Variants in NF2 observed in about 807,000 individuals in gnomAD.
NF2 encodes the protein NF2, moesin-ezrin-radixin like (MERLIN) tumor suppressor, also known as merlin.
NF2 carries 8 observed loss-of-function variants against 83.7 expected under a neutral mutation model. The observed-to-expected ratio is 0.10, with a 90% CI of 0.06 to 0.17. The LOEUF (loss-of-function observed/expected upper bound fraction) is 0.17. Ranked by LOEUF, NF2 falls within the 10% of genes least tolerant of loss-of-function variation. NF2 has a pLI of 1.00. For synonymous variants in NF2, 266 were observed against 269.6 expected, an observed-to-expected ratio of 0.99 and a Z score of 0.13; for missense variants, 533 against 744.4, an observed-to-expected ratio of 0.72 and a Z score of 3.31.
chr22:29,645,022 ATTAAAGG>A (rs2146919036), intron 4 of NF2, among the ~76,000 whole-genome samples: 1 of 152,320 alleles, frequency 6.6e-6, no homozygotes, highest in East Asian at 1.9e-4. Context: ...TTTCTTTTTA[ATTAAAGG>A]TGTTCATGAA....
chr22:29,681,333 C>A, intron 14 of NF2, 106 bp from the exon 15 acceptor site: 2 of 1,392,078 alleles, frequency 1.4e-6, no homozygotes, highest in South Asian at 1.2e-5. Flanking sequence ...GAACCCCAGG[C>A]CTCAAACCCT....
intron 13 of NF2, among the ~76,000 whole-genome samples, chr22:29,676,259 A>C (rs1449895163): frequency 6.6e-6 from 1 of 151,840 alleles, no homozygotes; most frequent in African/African-American, 2.4e-5. Context: ...CTGCAACCTT[A>C]GCCTCATAGG....
In NF2 at chr22:29,681,365, G is replaced by C. The variant is rs2067128711; in HGVS notation, c.1575-74G>C. ...CCCTAGATCGCACACCAAGCAGCTTGTGGGCCGCAGAGCACCTGAGCCGTG... is the reference window on the plus strand; with the variant it reads ...CCCTAGATCGCACACCAAGCAGCTTCTGGGCCGCAGAGCACCTGAGCCGTG... On this transcript the variant is annotated intron_variant, in intron 14 of 15. Coordinates refer to ENST00000338641, the MANE Select transcript of NF2 (RefSeq NM_000268.4). 17 of 1,587,488 alleles carry C rather than the reference G, an allele frequency of 1.1e-5. No homozygotes were observed. The Admixed American group carries it at 2.0e-4, about 19-fold the overall frequency.
intron 15 of NF2, chr22:29,683,559 G>A (rs1016187271): frequency 2.7e-6 from 3 of 1,108,450 alleles, no homozygotes; most frequent in Non-Finnish European, 3.3e-6. Context: ...GCTTGTGCTG[G>A]CTCATTTTCC....
intron 1 of NF2, among the ~76,000 whole-genome samples, chr22:29,622,406 T>C (rs2146768709): frequency 6.6e-6 from 1 of 152,328 alleles, no homozygotes; most frequent in South Asian, 2.1e-4. Context: ...GCTTATGTTA[T>C]AACAGTTAAG....
At chr22:29,653,319 C>G (rs897546366) in intron 4 of NF2, among the ~76,000 whole-genome samples, 1 of 151,798 alleles carries the variant, frequency 6.6e-6, no homozygotes, top group Admixed American at 6.6e-5. Flanking sequence ...TGGCGTGCAC[C>G]TGTAATCCCA....
chr22:29,643,679 C>T (rs1217498109), intron 4 of NF2, among the ~76,000 whole-genome samples: 8 of 152,306 alleles, frequency 5.3e-5, no homozygotes, highest in East Asian at 3.9e-4. Flanking sequence ...AAAAGTCTCC[C>T]GTGTCTACTT....
intron 1 of NF2, among the ~76,000 whole-genome samples, chr22:29,626,360 G>T (rs539153960): frequency 6.6e-6 from 1 of 151,776 alleles, no homozygotes; most frequent in Non-Finnish European, 1.5e-5. Flanking sequence ...CACCATGTTG[G>T]CCAGGATGGT....
At position 29,615,011 on chromosome 22, in the gene NF2, C is replaced by A. The variant is rs147385163; in HGVS notation, c.114+10899C>A. On this transcript the variant is annotated intron_variant, in intron 1 of 15. Coordinates refer to ENST00000338641, the MANE Select transcript of NF2 (RefSeq NM_000268.4). Reference sequence around the variant, plus strand: ...CTACCTTGGCCAACATAGCAAAACCCCATCTCTACTAAAAATACAAAAATT... The same window carrying A: ...CTACCTTGGCCAACATAGCAAAACCACATCTCTACTAAAAATACAAAAATT... Among the ~76,000 whole-genome samples, 1,273 of 152,124 alleles carry A rather than the reference C, an allele frequency of 8.4e-3. 13 individuals are homozygous for A. The highest frequency in any genetic ancestry group is 0.029 in the African/African-American group (1,216 of 41,496).
In NF2 at chr22:29,603,991, C is replaced by T. The variant is rs746741839; in HGVS notation, c.-8C>T. 7 of 1,570,694 alleles carry T rather than the reference C, an allele frequency of 4.5e-6. No individual in the cohort carries two copies. The South Asian group carries it at 5.8e-5, about 13-fold the overall frequency. On this transcript the variant is annotated 5_prime_UTR_variant, in exon 1 of 16. Transcript: ENST00000338641. ...GGGCGCGAGGGTCCCGGGCCTGAGCCCCGCGCCATGGCCGGGGCCATCGCT... is the reference window on the plus strand; with the variant it reads ...GGGCGCGAGGGTCCCGGGCCTGAGCTCCGCGCCATGGCCGGGGCCATCGCT...
chr22:29,638,470 C>T (rs970168062), intron 2 of NF2, among the ~76,000 whole-genome samples: 1 of 151,962 alleles, frequency 6.6e-6, no homozygotes, highest in Non-Finnish European at 1.5e-5. Flanking sequence ...CCTGCCTCAG[C>T]CTCCCGAGTA....
chr22:29,663,517 G>A (rs1197360772), intron 8 of NF2, among the ~76,000 whole-genome samples: 2 of 152,204 alleles, frequency 1.3e-5, no homozygotes, highest in African/African-American at 4.8e-5. Flanking sequence ...TTGATTCTTT[G>A]TGTACGCCCT....
rs111522202 is a variant in NF2 at position 29,642,742 on chromosome 22, C to T, written c.447+457C>T. 4.4e-3 allele frequency among the ~76,000 whole-genome samples: 669 copies of T among 151,846 alleles called. 4 individuals carry two copies. Among genetic ancestry groups the T allele is most frequent in the African/African-American group, 0.015 (638 of 41,402 alleles). ...TTTTAGCCAAACATGGCCTTTAGGT[C>T]AGAAAGGCCCAGGTCCTCACTCCAA... is the stretch of plus-strand genomic sequence containing the variant. On this transcript the variant is annotated intron_variant, in intron 4 of 15. Transcript: ENST00000338641.
In NF2 at chr22:29,673,197, A is replaced by C. The variant is rs1049791392; in HGVS notation, c.1123-72A>C. The C allele has an allele frequency of 4.1e-6, 6 of 1,478,950 alleles. No homozygotes were observed. In the African/African-American group the frequency reaches 4.2e-5, roughly 10 times the overall value. The allele number at this position is 1,478,950 out of a possible 1,614,324, so 91.6% of individuals were successfully genotyped here. The stretch of plus-strand genomic sequence containing the variant: ...CCGAGACTCTGGTTTGTCCCATCTC[A>C]GTGTTCAAGGCAGATCTGGGCGGGA... On this transcript the variant is annotated intron_variant, in intron 11 of 15. Transcript: ENST00000338641.
At chr22:29,618,544 A>AT (rs955248831) in intron 1 of NF2, among the ~76,000 whole-genome samples, 2 of 152,124 alleles carry the variant, frequency 1.3e-5, no homozygotes, top group African/African-American at 4.8e-5. Context: ...CACTTGAAAG[A>AT]TTTGTTGTTT....
chr22:29,639,948 G>T, intron 3 of NF2, among the ~76,000 whole-genome samples: 1 of 145,992 alleles, frequency 6.8e-6, no homozygotes, highest in South Asian at 2.2e-4. Context: ...TGTAATCCCA[G>T]CACTTTGGGA....
rs1380139131 is a variant in NF2 at position 29,697,916 on chromosome 22, T to C, written c.*3114T>C. 2 of 217,214 alleles carry C rather than the reference T, an allele frequency of 9.2e-6. No individual in the cohort carries two copies. Among genetic ancestry groups the C allele is most frequent in the East Asian group, 1.3e-4 (2 of 14,928 alleles). The allele number at this position is 217,214 out of a possible 1,614,324, so 13.5% of individuals were successfully genotyped here. ...TTTTAGGGCCTGGGAGTTTGTCAAG[T>C]AAGGAAGTCTCAAGCCCAAAGAGCA... On this transcript the variant is annotated 3_prime_UTR_variant, in exon 16 of 16. Transcript: ENST00000338641.
chr22:29,643,822 G>A (rs2065885439), intron 4 of NF2, among the ~76,000 whole-genome samples: 1 of 152,028 alleles, frequency 6.6e-6, no homozygotes, highest in Admixed American at 6.5e-5. Context: ...TCCCAGACGG[G>A]GTGGTGGCCG....
In NF2 at chr22:29,695,278, C is replaced by T. The variant is rs577882884; in HGVS notation, c.*476C>T. On this transcript the variant is annotated 3_prime_UTR_variant, in exon 16 of 16. Transcript: ENST00000338641. The surrounding 1 kb of genome is among the most constrained non-coding windows in gnomAD (Gnocchi z 5.4). ...TGGCATGCAGCGAAGCAGCCCAGCC[C>T]GGCGGATCCCAGGCCAGCACGCCTG... 14 of 299,624 alleles carry T rather than the reference C, an allele frequency of 4.7e-5. No homozygotes were observed. The highest frequency in any genetic ancestry group is 2.0e-3 in the Middle Eastern group (2 of 1,006). 18.6% of individuals were successfully genotyped at this position (299,624 alleles called of 1,614,324 possible).
Sources: gnomAD v4.1 joint callset for allele counts (sites outside exome capture counted in the v4.1 genomes callset) on GRCh38, gnomAD v4.1.1 for gene constraint, Gnocchi (gnomAD v3.1) non-coding constraint, MANE v1.5 for transcripts, NCBI Gene and HGNC (gene_info 2026-07-23, HGNC 2026-07-21) for gene names.